Variants in RTL4 observed in about 807,000 individuals in gnomAD.
RTL4 encodes retrotransposon Gag like 4.
Under a neutral mutation model 5.3 loss-of-function variants are expected in RTL4, and 4 were observed. That is an observed-to-expected ratio of 0.75 (90% CI 0.37 to 1.72). The LOEUF is 1.72. Ranked by LOEUF, RTL4 falls within the 40% of genes most tolerant of loss-of-function variation. RTL4 has a pLI of 0.04. For synonymous variants in RTL4, 98 were observed against 87.3 expected (o/e 1.12, Z -0.68); for missense variants, 260 against 227.1 (o/e 1.14, Z -0.93).
At chrX:112,182,824 G>C in the RTL4 span, among the ~76,000 whole-genome samples, 1 of 111,559 alleles carries the variant, frequency 9.0e-6, no homozygotes, top group Non-Finnish European at 1.9e-5. Flanking sequence ...ATACCCCAAA[G>C]ATATTCCTGG....
the RTL4 span, among the ~76,000 whole-genome samples, chrX:112,194,408 C>G: frequency 2.7e-5 from 3 of 110,886 alleles, no homozygotes; most frequent in Admixed American, 9.7e-5. Flanking sequence ...TTTGCTTCCC[C>G]TCTCTGTACC....
At chrX:112,095,680 A>C in the RTL4 span, among the ~76,000 whole-genome samples, 1 of 111,645 alleles carries the variant, frequency 9.0e-6, no homozygotes, top group African/African-American at 3.3e-5. Flanking sequence ...GAAGTGTAGG[A>C]ACTTGTAGTA....
chrX:112,382,072 G>T, the RTL4 span: 1 of 1,208,850 alleles, frequency 8.3e-7, no homozygotes, highest in Non-Finnish European at 1.1e-6. Context: ...AAAACAGGAA[G>T]CAGCAGCTGC....
At chrX:112,220,701 T>G in the RTL4 span, among the ~76,000 whole-genome samples, 1 of 112,352 alleles carries the variant, frequency 8.9e-6, no homozygotes, top group African/African-American at 3.2e-5. Context: ...AAGTTCAAAG[T>G]TCCACAGATC....
chrX:112,227,197 G>A, the RTL4 span, among the ~76,000 whole-genome samples: 1 of 110,795 alleles, frequency 9.0e-6, no homozygotes, highest in Non-Finnish European at 1.9e-5. Context: ...TCACTAAGCT[G>A]CAAATGGCTG....
At chrX:112,408,957 A>T in the RTL4 span, among the ~76,000 whole-genome samples, 2 of 112,147 alleles carry the variant, frequency 1.8e-5, no homozygotes, top group Non-Finnish European at 3.8e-5. Context: ...AGAAATAAAG[A>T]CTTTCCCCGA....
the RTL4 span, among the ~76,000 whole-genome samples, chrX:112,201,737 CTATT>C: frequency 1.2e-3 from 135 of 110,993 alleles, no homozygotes; most frequent in African/African-American, 4.1e-3. Context: ...TTTACATTAT[CTATT>C]TACTTTTTAA....
the RTL4 span, among the ~76,000 whole-genome samples, chrX:112,180,307 G>A: frequency 1.8e-5 from 2 of 111,335 alleles, no homozygotes; most frequent in African/African-American, 6.5e-5. Context: ...GAGTCAAAGA[G>A]GTAAGCCAAT....
the RTL4 span, among the ~76,000 whole-genome samples, chrX:112,229,593 T>C: frequency 2.9e-3 from 326 of 112,117 alleles, no homozygotes; most frequent in African/African-American, 9.6e-3. Context: ...CTGGGCCACA[T>C]TGGAAGAAAA....
the RTL4 span, among the ~76,000 whole-genome samples, chrX:112,397,396 G>T: frequency 9.1e-6 from 1 of 110,179 alleles, no homozygotes; most frequent in Non-Finnish European, 1.9e-5. Context: ...TTCATCCATG[G>T]TTAGTTGAAT....
the RTL4 span, among the ~76,000 whole-genome samples, chrX:112,215,570 A>C: frequency 1.8e-5 from 2 of 111,996 alleles, no homozygotes; most frequent in African/African-American, 3.2e-5. Context: ...AGTTTGTCTT[A>C]TTTCATTCAG....
At chrX:112,327,740 T>A in the RTL4 span, among the ~76,000 whole-genome samples, 3 of 110,962 alleles carry the variant, frequency 2.7e-5, no homozygotes, top group African/African-American at 9.8e-5. Context: ...GAAAAAATGT[T>A]AAGGGCAGCC....
the RTL4 span, among the ~76,000 whole-genome samples, chrX:112,172,799 G>A: frequency 9.0e-6 from 1 of 111,652 alleles, no homozygotes; most frequent in South Asian, 3.8e-4. Context: ...AGAAAATGTG[G>A]TACATATACT....
At chrX:112,179,830 A>T in the RTL4 span, among the ~76,000 whole-genome samples, 2 of 112,059 alleles carry the variant, frequency 1.8e-5, no homozygotes, top group Non-Finnish European at 3.8e-5. Context: ...GAATAGATAG[A>T]GACAGAAAAG....
the RTL4 span, among the ~76,000 whole-genome samples, chrX:112,085,260 A>G: frequency 1.8e-5 from 2 of 112,634 alleles, no homozygotes; most frequent in Non-Finnish European, 3.7e-5. Context: ...GGAAGCCACT[A>G]TCTGACTAAT....
chrX:112,184,657 A>G, the RTL4 span, among the ~76,000 whole-genome samples: 1 of 111,890 alleles, frequency 8.9e-6, no homozygotes, highest in African/African-American at 3.3e-5. Context: ...ACATTCTGCT[A>G]TTTGGTAAAA....
chrX:112,430,346 T>A, the RTL4 span, among the ~76,000 whole-genome samples: 1 of 111,200 alleles, frequency 9.0e-6, no homozygotes, highest in Non-Finnish European at 1.9e-5. Context: ...AATTAGGTCA[T>A]CAAAGGCATT....
chrX:112,268,889 A>T, the RTL4 span, among the ~76,000 whole-genome samples: 1 of 111,529 alleles, frequency 9.0e-6, no homozygotes, highest in African/African-American at 3.3e-5. Context: ...ACTTCCAAAT[A>T]TCCCTTAATG....
chrX:112,348,325 G>A, the RTL4 span, among the ~76,000 whole-genome samples: 4 of 107,255 alleles, frequency 3.7e-5, no homozygotes, highest in South Asian at 4.1e-4. Flanking sequence ...TGATATGATC[G>A]CTATACTTTG....
Sources: allele counts gnomAD v4.1 joint callset (sites outside exome capture counted in the v4.1 genomes callset), GRCh38; gene constraint gnomAD v4.1.1; transcripts MANE v1.5; gene names NCBI Gene and HGNC (gene_info 2026-07-23, HGNC 2026-07-21).